DNAH17: variants seen among roughly 807,000 people sequenced by gnomAD.
The protein encoded by DNAH17 is axonemal beta dynein heavy chain 17.
Under a neutral mutation model 485.6 loss-of-function variants are expected in DNAH17, and 376 were observed. The ratio of observed to expected loss-of-function variants is 0.77; its 90% CI spans 0.71 to 0.84. DNAH17 has a LOEUF of 0.84. Among genes scored for constraint, DNAH17 ranks in the 40% least tolerant of loss-of-function variants. The probability of loss-of-function intolerance (pLI) is 0.00; values close to 1 mark genes in which losing one functional copy is unlikely to be tolerated. For missense variants in DNAH17, 6,370 were observed against 5,839.3 expected, an observed-to-expected ratio of 1.09 and a Z score of -2.96; for synonymous variants, 3,031 against 2,405.9, an observed-to-expected ratio of 1.26 and a Z score of -7.60.
chr17:78,558,343 G>A (rs1323450061), intron 13 of DNAH17, 89 bp from the exon 14 acceptor site: 10 of 1,485,910 alleles, frequency 6.7e-6, no homozygotes, highest in South Asian at 1.4e-5. Context: ...TCTGCCCTGG[G>A]ATGTTTTGAC....
chr17:78,425,756 CT>C (rs71160294), intron 79 of DNAH17, among the ~76,000 whole-genome samples, 185 bp from the exon 80 acceptor site: 218 of 120,642 alleles, frequency 1.8e-3, no homozygotes, highest in African/African-American at 7.5e-3. Context: ...TTGGTGTCTG[CT>C]TTTTTTTTTT....
intron 46 of DNAH17, 96 bp from the exon 47 acceptor site, chr17:78,485,853 G>A (rs935297426): frequency 1.0e-5 from 16 of 1,570,424 alleles, no homozygotes; most frequent in Non-Finnish European, 1.3e-5. Flanking sequence ...AGGTCCTAAT[G>A]TTGAAAATCG....
chr17:78,574,618 G>A, intron 2 of DNAH17, 95 bp downstream of exon 2: 1 of 1,112,586 alleles, frequency 9.0e-7, no homozygotes, highest in South Asian at 1.6e-5. Flanking sequence ...AGCTGCTGCT[G>A]GCCCAGGGAC....
At chr17:78,451,245 CTTAGAA>C (rs1365941621) in intron 66 of DNAH17, among the ~76,000 whole-genome samples, 1 of 152,216 alleles carries the variant, frequency 6.6e-6, no homozygotes, top group Non-Finnish European at 1.5e-5. Flanking sequence ...GGTCATGTGA[CTTAGAA>C]TTAAATTTGG....
In DNAH17 at chr17:78,423,768, TTGGTTACAAAGCACCTGATTA is replaced by T; in HGVS notation, c.*117_*137del. 1 of 1,173,576 alleles carries T rather than the reference TTGGTTACAAAGCACCTGATTA, an allele frequency of 8.5e-7. No individual in the cohort carries two copies. The highest frequency in any genetic ancestry group is 1.2e-6 in the Non-Finnish European group (1 of 827,672). The allele number at this position is 1,173,576 out of a possible 1,614,324, so 72.7% of individuals were successfully genotyped here. A position where few individuals can be genotyped will look rare whatever the true frequency, so the allele number is the denominator to read the frequency against. On this transcript the variant is annotated 3_prime_UTR_variant, in exon 81 of 81. Coordinates refer to ENST00000389840, the MANE Select transcript of DNAH17 (RefSeq NM_173628.4). ...CCTCCACCCTCTGGTTCCGATGTGC[TTGGTTACAAAGCACCTGATTA>T]TTTAAGAGAACGAAAAACCACCACC...
chr17:78,543,792 G>T (rs780620175), intron 17 of DNAH17, 65 bp downstream of exon 17: 3 of 1,608,136 alleles, frequency 1.9e-6, no homozygotes, highest in African/African-American at 1.3e-5. Flanking sequence ...CCAGCCCTGG[G>T]TTTACTCTCT....
At chr17:78,474,303 TAGG>T (rs1202233453) in intron 54 of DNAH17, among the ~76,000 whole-genome samples, 5 of 152,240 alleles carry the variant, frequency 3.3e-5, no homozygotes, top group Non-Finnish European at 7.3e-5. Flanking sequence ...CATGGCCGTG[TAGG>T]ACGGCCCAAT....
rs2143301268 is a variant in DNAH17, at chr17:78,530,521, CA to C, written c.3115-10del. ...TTCTCGTAGGAGTCGATCTGGAAAA[CA>C]CGGCCACCGGCGGCCTGTCATAGCC... On this transcript the variant is annotated splice_polypyrimidine_tract_variant and intron_variant, in intron 20 of 80. Transcript: ENST00000389840. 6.3e-7 allele frequency: 1 copy of C among 1,598,556 alleles called. No homozygotes were observed. Among genetic ancestry groups the C allele is most frequent in the East Asian group, 2.2e-5 (1 of 44,542 alleles).
chr17:78,482,070 CTT>C (rs36105381), intron 48 of DNAH17, among the ~76,000 whole-genome samples: 74,660 of 129,882 alleles, frequency 0.57, 21,530 homozygotes, highest in Admixed American at 0.66. Flanking sequence ...ACACTAGTTA[CTT>C]TTTTTTTTTT....
chr17:78,560,776 G>A lies in DNAH17; in HGVS notation c.1995C>T (p.Ala665=), dbSNP rs377391018. ...AGTTGACGTGGATGAGGTTGCTAGC[G>A]GCGTCCCGCAGAATCAGCGGCTGCC... ...NLGQPLILRD[A]ASNLIHVNFS... Residue 665 remains alanine (A), a synonymous_variant, in exon 13 of 81, where the codon GCC becomes GCT. Coordinates refer to ENST00000389840, the MANE Select transcript of DNAH17 (RefSeq NM_173628.4). The A allele has an allele frequency of 5.5e-5, 85 of 1,552,160 alleles. No individual in the cohort carries two copies. Among genetic ancestry groups the A allele is most frequent in the Non-Finnish European group, 6.5e-5 (75 of 1,147,394 alleles).
intron 17 of DNAH17, among the ~76,000 whole-genome samples, chr17:78,540,545 G>A (rs1276815103): frequency 3.8e-5 from 4 of 104,328 alleles, no homozygotes; most frequent in African/African-American, 1.5e-4. Context: ...GTGGATGGGT[G>A]GGTGGGTGGC....
At chr17:78,566,521 G>A (rs980857160) in intron 11 of DNAH17, 93 bp downstream of exon 11, 90 of 925,614 alleles carry the variant, frequency 9.7e-5, no homozygotes, top group Admixed American at 3.4e-4. Flanking sequence ...TCTACATGGA[G>A]AGGATGAAAT....
At chr17:78,534,120 C>T (rs536802570) in intron 19 of DNAH17, among the ~76,000 whole-genome samples, 8 of 152,378 alleles carry the variant, frequency 5.3e-5, no homozygotes, top group Admixed American at 2.0e-4. Flanking sequence ...CCAGCCGACC[C>T]TCAACCACTC....
At chr17:78,526,425 G>A (rs1384536624) in intron 24 of DNAH17, among the ~76,000 whole-genome samples, 3 of 152,112 alleles carry the variant, frequency 2.0e-5, no homozygotes, top group African/African-American at 7.2e-5. Flanking sequence ...GACACAGAGG[G>A]GACACCATGT....
intron 19 of DNAH17, among the ~76,000 whole-genome samples, chr17:78,535,180 G>A (rs1466667846): frequency 2.6e-5 from 4 of 152,176 alleles, no homozygotes; most frequent in Non-Finnish European, 5.9e-5. Flanking sequence ...AGCAACCGTG[G>A]GTGCCCAAGA....
At chr17:78,572,652 G>A in intron 3 of DNAH17, 49 bp downstream of exon 3, 1 of 1,498,328 alleles carries the variant, frequency 6.7e-7, no homozygotes, top group Non-Finnish European at 9.0e-7. Context: ...GGTCAAGCAT[G>A]TGCCTCTTCC....
chr17:78,567,075 C>G lies in DNAH17; in HGVS notation c.1376G>C (p.Arg459Pro), dbSNP rs143602861. The change falls in exon 10 of 81, where the codon CGT becomes CCT. Residue 459 changes from arginine to proline, a missense_variant. By Grantham distance (103) the Arg-to-Pro change is moderately radical. Transcript: ENST00000389840. ...CAGCTCAAAGACCTCATCATAGATACGGGTCACCAGGCTCCCGAGGAGGTT... is the reference window on the plus strand; with the variant it reads ...CAGCTCAAAGACCTCATCATAGATAGGGGTCACCAGGCTCCCGAGGAGGTT... The part of the protein sequence containing the change: ...RGNLLGSLVT[R>P]IYDEVFELVK... 2 of 1,613,414 alleles carry G rather than the reference C, an allele frequency of 1.2e-6. No individual in the cohort carries two copies. Among genetic ancestry groups the G allele is most frequent in the African/African-American group, 1.3e-5 (1 of 74,904 alleles).
intron 48 of DNAH17, among the ~76,000 whole-genome samples, chr17:78,481,876 A>G (rs57906791): frequency 0.037 from 5,689 of 152,060 alleles, 345 homozygotes; most frequent in African/African-American, 0.13. Flanking sequence ...TTAGCCAGGC[A>G]TGGTGGCAGG....
At chr17:78,510,635 G>A in intron 26 of DNAH17, 129 bp from the exon 27 acceptor site, 1 of 1,222,322 alleles carries the variant, frequency 8.2e-7, no homozygotes, top group South Asian at 1.4e-5. Flanking sequence ...AGGGAGGCGA[G>A]CTCTGCTCTG....
Sources: allele counts gnomAD v4.1 joint callset (sites outside exome capture counted in the v4.1 genomes callset), GRCh38; gene constraint gnomAD v4.1.1; transcripts MANE v1.5; gene names NCBI Gene and HGNC (gene_info 2026-07-23, HGNC 2026-07-21).